GBE1: variants seen among roughly 807,000 people sequenced by gnomAD.
GBE1 encodes the protein 1,4-alpha-glucan-branching enzyme.
Under a neutral mutation model 88.8 loss-of-function variants are expected in GBE1, and 70 were observed. That is an observed-to-expected ratio of 0.79 (90% CI 0.65 to 0.96). GBE1 has a LOEUF of 0.96. Ranked by LOEUF, GBE1 falls within the 40% of genes least tolerant of loss-of-function variation. The probability of loss-of-function intolerance (pLI) is 0.00; values close to 1 mark genes in which losing one functional copy is unlikely to be tolerated. For synonymous variants in GBE1, 284 were observed against 300.1 expected, an observed-to-expected ratio of 0.95 and a Z score of 0.56; for missense variants, 872 against 871.0, an observed-to-expected ratio of 1.00 and a Z score of -0.01.
intron 1 of GBE1, among the ~76,000 whole-genome samples, chr3:81,742,702 T>C (rs1026599918): frequency 6.6e-6 from 1 of 152,090 alleles, no homozygotes; most frequent in Non-Finnish European, 1.5e-5. Context: ...AATAGGAGAA[T>C]GTTCTGAAAT....
At position 81,710,360 on chromosome 3, in the gene GBE1, G is replaced by A. The variant is rs140825252; in HGVS notation, c.144-4747C>T. Among the ~76,000 whole-genome samples the A allele has an allele frequency of 2.8e-3, 413 of 147,158 alleles. 2 individuals are homozygous for A. Among genetic ancestry groups the A allele is most frequent in the Middle Eastern group, 0.014 (4 of 278 alleles). On this transcript the variant is annotated intron_variant, in intron 1 of 15. Coordinates refer to ENST00000429644, the MANE Select transcript of GBE1 (RefSeq NM_000158.4). ...CGCCATTCTCCTGCCTCAGCCTCCC[G>A]AGCAGCTGGGACTACAGGCACCCAC...
chr3:81,629,872 C>A (rs1194117498), intron 7 of GBE1, among the ~76,000 whole-genome samples: 1 of 150,376 alleles, frequency 6.6e-6, no homozygotes, highest in Admixed American at 6.6e-5. Flanking sequence ...CCGCCTCCCC[C>A]CACCCCACAA....
chr3:81,741,030 T>C (rs900929743), intron 1 of GBE1, among the ~76,000 whole-genome samples: 2 of 152,192 alleles, frequency 1.3e-5, no homozygotes, highest in Non-Finnish European at 2.9e-5. Flanking sequence ...AATCTGGCTA[T>C]TTATGGCTTA....
At chr3:81,755,838 A>G (rs997813611) in intron 1 of GBE1, among the ~76,000 whole-genome samples, 5 of 152,118 alleles carry the variant, frequency 3.3e-5, no homozygotes, top group Non-Finnish European at 7.4e-5. Context: ...GGGAAGGAAG[A>G]TAAAGGAGGA....
At position 81,511,273 on chromosome 3, in the gene GBE1, A is replaced by G. The variant is rs76205296; in HGVS notation, c.1935-12046T>C. Among the ~76,000 whole-genome samples, 113 of 152,216 alleles carry G rather than the reference A, an allele frequency of 7.4e-4. No homozygotes were observed. In the East Asian group the frequency reaches 0.01, roughly 14 times the overall value. Reference sequence around the variant, plus strand: ...TTTCTTGACATCAGTCTTTGCAAACAATTTATGGCTAACTCATCAAAAGCA... The same window carrying G: ...TTTCTTGACATCAGTCTTTGCAAACGATTTATGGCTAACTCATCAAAAGCA... On this transcript the variant is annotated intron_variant, in intron 14 of 15. Transcript: ENST00000429644.
In GBE1 at chr3:81,622,786, G is replaced by A. The variant is rs113417441; in HGVS notation, c.992+19995C>T. On this transcript the variant is annotated intron_variant, in intron 7 of 15. Transcript: ENST00000429644. ...TTTTTACCTCTTGGTCAAAAACGTC[G>A]GAGTTAACTTCTTTCTTCCCCTCAT... Among the ~76,000 whole-genome samples the A allele has an allele frequency of 3.2e-4, 49 of 152,128 alleles. 1 individual carries two copies. Among genetic ancestry groups the A allele is most frequent in the African/African-American group, 1.1e-3 (46 of 41,476 alleles).
At chr3:81,528,393 TAAAACAAAAC>T (rs912127211) in intron 14 of GBE1, among the ~76,000 whole-genome samples, 1 of 151,954 alleles carries the variant, frequency 6.6e-6, no homozygotes, top group Admixed American at 6.6e-5. Context: ...AAGACAATCA[TAAAACAAAAC>T]AAAACAAAAC....
At chr3:81,506,713 A>C (rs186177022) in intron 14 of GBE1, among the ~76,000 whole-genome samples, 93 of 152,334 alleles carry the variant, frequency 6.1e-4, no homozygotes, top group African/African-American at 2.2e-3. Context: ...TGTGGTACAC[A>C]TACACCATGG....
At chr3:81,611,888 C>A (rs989983618) in intron 7 of GBE1, among the ~76,000 whole-genome samples, 6 of 152,064 alleles carry the variant, frequency 3.9e-5, no homozygotes, top group Admixed American at 2.0e-4. Context: ...AATATCCAAA[C>A]ACAAGCAACG....
chr3:81,575,462 C>T (rs1703635402), intron 12 of GBE1, among the ~76,000 whole-genome samples: 1 of 152,074 alleles, frequency 6.6e-6, no homozygotes, highest in African/African-American at 2.4e-5. Context: ...CTACATTAAT[C>T]TTAATGACTT....
At chr3:81,571,452 A>G (rs1021750592) in intron 12 of GBE1, among the ~76,000 whole-genome samples, 1 of 152,202 alleles carries the variant, frequency 6.6e-6, no homozygotes, top group African/African-American at 2.4e-5. Context: ...CAGAAGTGAA[A>G]TGTTGCTGGT....
chr3:81,712,683 A>G (rs973201434), intron 1 of GBE1, among the ~76,000 whole-genome samples: 2 of 152,004 alleles, frequency 1.3e-5, no homozygotes, highest in East Asian at 3.9e-4. Flanking sequence ...AGCATTAGGA[A>G]ATATACCTAA....
chr3:81,499,254 G>C (rs1702554484), intron 14 of GBE1, 27 bp from the exon 15 acceptor site: 1 of 1,309,234 alleles, frequency 7.6e-7, no homozygotes. Flanking sequence ...ATTCACAACA[G>C]TTGAGGAGTT....
chr3:81,499,669 T>G lies in GBE1; in HGVS notation c.1935-442A>C, dbSNP rs1034942121. On this transcript the variant is annotated intron_variant, in intron 14 of 15. Coordinates refer to ENST00000429644, the MANE Select transcript of GBE1 (RefSeq NM_000158.4). The stretch of plus-strand genomic sequence containing the variant: ...TATCTCCATGTGTCTGCTAGATATA[T>G]TACTAAATACATACAGTCAGTCCTC... 2.6e-5 allele frequency among the ~76,000 whole-genome samples: 4 copies of G among 152,194 alleles called. No individual in the cohort carries two copies. In the East Asian group the frequency reaches 7.7e-4, roughly 29 times the overall value.
intron 1 of GBE1, among the ~76,000 whole-genome samples, chr3:81,723,043 T>A (rs1441666124): frequency 1.3e-5 from 2 of 151,604 alleles, no homozygotes; most frequent in African/African-American, 2.4e-5. Flanking sequence ...GAATAAAATA[T>A]CACTGGAACA....
intron 12 of GBE1, among the ~76,000 whole-genome samples, chr3:81,565,556 T>G (rs914467772): frequency 6.6e-6 from 1 of 152,126 alleles, no homozygotes; most frequent in African/African-American, 2.4e-5. Flanking sequence ...CCCTGTGGCT[T>G]TGGGGAGAAT....
intron 1 of GBE1, among the ~76,000 whole-genome samples, chr3:81,726,925 G>A (rs1706120390): frequency 6.6e-6 from 1 of 152,076 alleles, no homozygotes; most frequent in Admixed American, 6.6e-5. Flanking sequence ...TTAATACCAA[G>A]GATATGTGTC....
chr3:81,578,078 A>T lies in GBE1; in HGVS notation c.1465T>A (p.Ser489Thr). The T allele has an allele frequency of 6.2e-7, 1 of 1,603,678 alleles. No homozygotes were observed. The highest frequency in any genetic ancestry group is 8.5e-7 in the Non-Finnish European group (1 of 1,174,776). Residue 489 changes from serine (S) to threonine (T), a missense_variant, in exon 12 of 16, where the codon TCG (serine) becomes ACG (threonine). Ser to Thr is a moderately conservative substitution (Grantham distance 58, BLOSUM62 1). Transcript: ENST00000429644. ...GCATCCATCAACCAAAATGCCAGCGACTTATCCCCAACCAATGCCTACAGA... is the reference window on the plus strand; with the variant it reads ...GCATCCATCAACCAAAATGCCAGCGTCTTATCCCCAACCAATGCCTACAGA... ...SHDQALVGDKSLAFWLMDAEM... is the reference protein window; with the variant it reads ...SHDQALVGDKTLAFWLMDAEM...
intron 7 of GBE1, among the ~76,000 whole-genome samples, chr3:81,635,261 G>A (rs892069428): frequency 6.6e-6 from 1 of 152,104 alleles, no homozygotes; most frequent in Non-Finnish European, 1.5e-5. Context: ...GAAAGAAACA[G>A]AAGGAAGACC....
Sources: allele counts gnomAD v4.1 joint callset (sites outside exome capture counted in the v4.1 genomes callset), GRCh38; gene constraint gnomAD v4.1.1; transcripts MANE v1.5; gene names NCBI Gene and HGNC (gene_info 2026-07-23, HGNC 2026-07-21).